Variants in FNTB observed in about 807,000 individuals in gnomAD.
FNTB encodes the protein protein farnesyltransferase subunit beta.
Under a neutral mutation model 59.4 loss-of-function variants are expected in FNTB, and 27 were observed. That is an observed-to-expected ratio of 0.45 (90% CI 0.34 to 0.63). FNTB has a LOEUF of 0.63. FNTB is among the 20% of genes least tolerant of loss of function. The pLI, the probability that FNTB is intolerant of heterozygous loss-of-function variation, is 0.02. For missense variants in FNTB, 449 were observed against 559.6 expected, an observed-to-expected ratio of 0.80 and a Z score of 1.99; for synonymous variants, 230 against 220.7, an observed-to-expected ratio of 1.04 and a Z score of -0.37.
rs1156677387 is a variant in FNTB at position 65,012,235 on chromosome 14, C to CGT, written c.210-73_210-72dup. 7 of 1,553,670 alleles carry CGT rather than the reference C, an allele frequency of 4.5e-6. No individual in the cohort carries two copies. The highest frequency in any genetic ancestry group is 6.2e-6 in the Non-Finnish European group (7 of 1,129,664). On this transcript the variant is annotated intron_variant, in intron 2 of 11. Transcript: ENST00000246166. This position sits in a 1 kb window ranked among gnomAD's most constrained non-coding sequence, Gnocchi z 5.0. ...GACGTCCTGAAGCTGAGTGTTTACC[C>CGT]GTGTGTGTGTACGTGCACATACGTG...
rs2062090333 is a variant in FNTB at position 65,031,811 on chromosome 14, C to G, written c.606-799C>G. Among the ~76,000 whole-genome samples, 1 of 152,068 alleles carries G rather than the reference C, an allele frequency of 6.6e-6. No homozygotes were observed. Among genetic ancestry groups the G allele is most frequent in the Admixed American group, 6.5e-5 (1 of 15,280 alleles). On this transcript the variant is annotated intron_variant, in intron 6 of 11. Coordinates refer to ENST00000246166, the MANE Select transcript of FNTB (RefSeq NM_002028.4). This position sits in a 1 kb window ranked among gnomAD's most constrained non-coding sequence, Gnocchi z 4.6. The stretch of plus-strand genomic sequence containing the variant: ...TGGCATGCGCCTGTAATCCCAGCTA[C>G]TTGGGAGGCTGATACAGGAGAATTG...
chr14:65,043,828 CAAAAAAAAAAAAAAA>C (rs749243788), intron 8 of FNTB, among the ~76,000 whole-genome samples: 14 of 64,232 alleles, frequency 2.2e-4, no homozygotes, highest in Non-Finnish European at 3.0e-4. Context: ...GACTCCGTCT[CAAAAAAAAAAAAAAA>C]AAAAAAAAAA....
chr14:65,022,057 G>C (rs1479730717), intron 4 of FNTB: 12 of 456,022 alleles, frequency 2.6e-5, no homozygotes, highest in Non-Finnish European at 5.3e-5. Flanking sequence ...AGCAGCAGAG[G>C]CCACCCGGAA....
At chr14:65,055,056 T>C (rs1222561499) in intron 11 of FNTB, among the ~76,000 whole-genome samples, 1 of 152,252 alleles carries the variant, frequency 6.6e-6, no homozygotes, top group Non-Finnish European at 1.5e-5. Flanking sequence ...CGGCACTGGC[T>C]GTACAGCCTG....
At position 65,000,838 on chromosome 14, in the gene FNTB, A is replaced by AAAAAAAAAAAAAAAAG. The variant is rs778200008; in HGVS notation, c.145-3408_145-3407insAAAAAAAAAAAAGAAA. ...CTCAAAAAAAAAAAAAAAAAAAAAA[A>AAAAAAAAAAAAAAAAG]AAAGAATAGTTACCCAAAAAGCTGG... On this transcript the variant is annotated intron_variant, in intron 1 of 11. Transcript: ENST00000246166. Among the ~76,000 whole-genome samples, 27 of 116,078 alleles carry AAAAAAAAAAAAAAAAG rather than the reference A, an allele frequency of 2.3e-4. 3 individuals are homozygous for AAAAAAAAAAAAAAAAG. Among genetic ancestry groups the AAAAAAAAAAAAAAAAG allele is most frequent in the East Asian group, 4.7e-4 (2 of 4,284 alleles). The allele number at this position is 116,078 out of a possible 152,430, so 76.2% of individuals were successfully genotyped here.
intron 1 of FNTB, among the ~76,000 whole-genome samples, chr14:65,002,708 C>T (rs1160751189): frequency 6.6e-6 from 1 of 152,136 alleles, no homozygotes; most frequent in African/African-American, 2.4e-5. Flanking sequence ...GAAGAATCCT[C>T]AAATCCCTCC....
In FNTB at chr14:65,005,493, CTTTCTTTCTTTCTTTCTT is replaced by C. The variant is rs1347603573; in HGVS notation, c.209+1182_209+1199del. Among the ~76,000 whole-genome samples, 288 of 136,528 alleles carry C rather than the reference CTTTCTTTCTTTCTTTCTT, an allele frequency of 2.1e-3. 1 individual carries two copies. The highest frequency in any genetic ancestry group is 0.014 in the East Asian group (56 of 4,050). The allele number at this position is 136,528 out of a possible 152,430, so 89.6% of individuals were successfully genotyped here. Reference sequence around the variant, plus strand: ...TCTTTCTTTCTTTCTTTCTTTCTTTCTTTCTTTCTTTCTTTCTTTCTCTCTCTCTTTCTCTTTCTCTTT... The same window carrying C: ...TCTTTCTTTCTTTCTTTCTTTCTTTCTCTCTCTCTCTTTCTCTTTCTCTTT... On this transcript the variant is annotated intron_variant, in intron 2 of 11. Coordinates refer to ENST00000246166, the MANE Select transcript of FNTB (RefSeq NM_002028.4).
Position 65,030,146 on chromosome 14 carries a change from C to T in FNTB, c.605+2365C>T, listed in dbSNP as rs1393790974. Among the ~76,000 whole-genome samples the T allele has an allele frequency of 6.6e-6, 1 of 152,224 alleles. No homozygotes were observed. Among genetic ancestry groups the T allele is most frequent in the African/African-American group, 2.4e-5 (1 of 41,452 alleles). On this transcript the variant is annotated intron_variant, in intron 6 of 11. Transcript: ENST00000246166. This position sits in a 1 kb window ranked among gnomAD's most constrained non-coding sequence, Gnocchi z 4.5. ...GAGAGGCAAACTGTATTATAGGTCG[C>T]CTCCTACCTCACAAGTCACAATAGG...
In FNTB at chr14:65,027,863, T is replaced by C. The variant is rs1320788205; in HGVS notation, c.605+82T>C. ...TTAGAGATGCCAAGCCTAAGGAACA[T>C]CATGGGGAAGCTGCTGCTTTGTCCC... On this transcript the variant is annotated intron_variant, in intron 6 of 11. Transcript: ENST00000246166. This position sits in a 1 kb window ranked among gnomAD's most constrained non-coding sequence, Gnocchi z 5.7. 6 of 1,571,574 alleles carry C rather than the reference T, an allele frequency of 3.8e-6. No individual in the cohort carries two copies. Among genetic ancestry groups the C allele is most frequent in the Admixed American group, 3.5e-5 (2 of 56,346 alleles).
At position 65,007,994 on chromosome 14, in the gene FNTB, C is replaced by T. The variant is rs1206691989; in HGVS notation, c.209+3681C>T. On this transcript the variant is annotated intron_variant, in intron 2 of 11. Transcript: ENST00000246166. This position sits in a 1 kb window ranked among gnomAD's most constrained non-coding sequence, Gnocchi z 4.9. ...CCTCAAAGCAGGTCTCTCACAGGCA[C>T]CAGCTTAGCTCCCGTGTTTTCTACT... 6.6e-6 allele frequency among the ~76,000 whole-genome samples: 1 copy of T among 152,180 alleles called. No individual in the cohort carries two copies. The highest frequency in any genetic ancestry group is 1.5e-5 in the Non-Finnish European group (1 of 68,036).
chr14:64,990,356 G>C lies in FNTB; in HGVS notation c.144+3259G>C, dbSNP rs1190399794. Among the ~76,000 whole-genome samples, 3 of 152,126 alleles carry C rather than the reference G, an allele frequency of 2.0e-5. No individual in the cohort carries two copies. Among genetic ancestry groups the C allele is most frequent in the Non-Finnish European group, 2.9e-5 (2 of 68,026 alleles). ...GCTGCGGGCCATGGGAAGTATTGCT[G>C]GGGGTGACCGAGAAGGAGAAGAATG... On this transcript the variant is annotated intron_variant, in intron 1 of 11. Coordinates refer to ENST00000246166, the MANE Select transcript of FNTB (RefSeq NM_002028.4). The surrounding 1 kb of genome is among the most constrained non-coding windows in gnomAD (Gnocchi z 5.2).
chr14:65,061,520 A>C lies in FNTB; in HGVS notation c.*208A>C. On this transcript the variant is annotated 3_prime_UTR_variant, in exon 12 of 12. Coordinates refer to ENST00000246166, the MANE Select transcript of FNTB (RefSeq NM_002028.4). ...TTTAAAAATTCTTTCCACACCTGTC[A>C]AACCAAAAATCTATCAGCCCACGTG... The C allele has an allele frequency of 1.2e-6, 1 of 836,816 alleles. No homozygotes were observed. Among genetic ancestry groups the C allele is most frequent in the Admixed American group, 3.1e-5 (1 of 32,432 alleles). The allele number at this position is 836,816 out of a possible 1,614,324, so 51.8% of individuals were successfully genotyped here.
chr14:65,045,699 A>G (rs1454912291), intron 9 of FNTB, among the ~76,000 whole-genome samples: 1 of 152,026 alleles, frequency 6.6e-6, no homozygotes, highest in Admixed American at 6.6e-5. Flanking sequence ...TATAGGCGTG[A>G]GCCACCGCAC....
At chr14:65,018,175 C>CAAAAAT (rs962959353) in intron 4 of FNTB, among the ~76,000 whole-genome samples, 2 of 151,698 alleles carry the variant, frequency 1.3e-5, no homozygotes, top group East Asian at 2.0e-4. Flanking sequence ...GACTCCATTT[C>CAAAAAT]AAAAATAAAA....
At chr14:65,050,424 C>T (rs1783033462) in intron 9 of FNTB, among the ~76,000 whole-genome samples, 1 of 152,110 alleles carries the variant, frequency 6.6e-6, no homozygotes, top group Non-Finnish European at 1.5e-5. Flanking sequence ...AACCCTGTCT[C>T]TACTAAAAAT....
intron 4 of FNTB, chr14:65,016,378 G>A (rs1359899753): frequency 6.6e-6 from 1 of 152,214 alleles, no homozygotes; most frequent in Admixed American, 6.5e-5. Flanking sequence ...TCCAGTCCTA[G>A]GGATACCTGG....
chr14:65,037,414 T>G (rs1206924983), intron 7 of FNTB, among the ~76,000 whole-genome samples: 1 of 90,288 alleles, frequency 1.1e-5, no homozygotes, highest in African/African-American at 5.1e-5. Context: ...TTTTTTTTTT[T>G]TTTTTTTTTT....
In FNTB at chr14:64,986,901, CGTT is replaced by C; in HGVS notation, c.-48_-46del. Reference sequence around the variant, plus strand: ...TTTAGCCCGCTCGAGTTTCAATGCGCGTTGTTGCTTAACGAAGCAGAGTCCTAC... The same window carrying C: ...TTTAGCCCGCTCGAGTTTCAATGCGCGTTGCTTAACGAAGCAGAGTCCTAC... On this transcript the variant is annotated 5_prime_UTR_variant, in exon 1 of 12. Transcript: ENST00000246166. The C allele has an allele frequency of 6.2e-7, 1 of 1,604,534 alleles. No homozygotes were observed.
intron 1 of FNTB, among the ~76,000 whole-genome samples, chr14:64,993,298 C>G (rs1025606478): frequency 2.0e-5 from 3 of 152,150 alleles, no homozygotes; most frequent in Non-Finnish European, 2.9e-5. Context: ...AAATAAAAAG[C>G]TGGCCTTACA....
Sources: allele counts gnomAD v4.1 joint callset (sites outside exome capture counted in the v4.1 genomes callset), GRCh38; gene constraint gnomAD v4.1.1; non-coding constraint Gnocchi (gnomAD v3.1); transcripts MANE v1.5; gene names NCBI Gene and HGNC (gene_info 2026-07-23, HGNC 2026-07-21).